Variants in TNRC6B observed in about 807,000 individuals in gnomAD.
The protein encoded by TNRC6B is trinucleotide repeat containing adaptor 6B.
A neutral mutation model predicts 203.6 loss-of-function variants in TNRC6B; 52 were observed. The observed-to-expected ratio is 0.26, with a 90% CI of 0.20 to 0.32. The LOEUF is 0.32. Among genes scored for constraint, TNRC6B ranks in the 10% least tolerant of loss-of-function variants. The probability of loss-of-function intolerance (pLI) is 1.00; values close to 1 mark genes in which losing one functional copy is unlikely to be tolerated. For synonymous variants in TNRC6B, 838 were observed against 845.7 expected, an observed-to-expected ratio of 0.99 and a Z score of 0.16; for missense variants, 1,923 against 2,286.2, an observed-to-expected ratio of 0.84 and a Z score of 3.24.
chr22:40,189,878 C>A (rs117771237), intron 1 of TNRC6B, among the ~76,000 whole-genome samples: 2,123 of 152,108 alleles, frequency 0.014, 22 homozygotes, highest in Middle Eastern at 0.048. Context: ...TTGAAACTTA[C>A]CATTTGTTAC....
intron 1 of TNRC6B, among the ~76,000 whole-genome samples, chr22:40,224,749 G>A (rs1016054351): frequency 5.3e-5 from 8 of 152,014 alleles, no homozygotes; most frequent in Middle Eastern, 3.4e-3. Flanking sequence ...TCTTCCTCCC[G>A]TTTAAATACT....
At chr22:40,212,910 A>G (rs951929404) in intron 1 of TNRC6B, among the ~76,000 whole-genome samples, 1 of 152,150 alleles carries the variant, frequency 6.6e-6, no homozygotes, top group Non-Finnish European at 1.5e-5. Context: ...TCAGCCTCCC[A>G]AAGTGCTGGG....
intron 19 of TNRC6B, among the ~76,000 whole-genome samples, chr22:40,313,779 C>T (rs1251290770): frequency 6.6e-6 from 1 of 152,220 alleles, no homozygotes; most frequent in African/African-American, 2.4e-5. Context: ...CAACAATAAC[C>T]TACCACTCAC....
chr22:40,252,098 G>A (rs2070203892), intron 3 of TNRC6B, among the ~76,000 whole-genome samples: 1 of 152,152 alleles, frequency 6.6e-6, no homozygotes, highest in African/African-American at 2.4e-5. Flanking sequence ...GTTTTGTCTG[G>A]TGATTGTCAC....
rs191196745 is a variant in TNRC6B at position 40,320,429 on chromosome 22, G to A, written c.4975-661G>A. Reference sequence around the variant, plus strand: ...TGGGAGGTGGAGGTTGCAGTGAGTCGAGATTGTGCCACTGCACTCCAGCCT... The same window carrying A: ...TGGGAGGTGGAGGTTGCAGTGAGTCAAGATTGTGCCACTGCACTCCAGCCT... On this transcript the variant is annotated intron_variant, in intron 21 of 22. Transcript: ENST00000454349. 1.2e-4 allele frequency among the ~76,000 whole-genome samples: 19 copies of A among 152,322 alleles called. No individual in the cohort carries two copies. In the East Asian group the frequency reaches 2.5e-3, roughly 20 times the overall value.
chr22:40,152,842 TATAATCC>T (rs2068771463), intron 3 of TNRC6B, among the ~76,000 whole-genome samples: 1 of 151,880 alleles, frequency 6.6e-6, no homozygotes, highest in African/African-American at 2.4e-5. Flanking sequence ...GGCTCACACC[TATAATCC>T]CAGCACTTTG....
At position 40,207,544 on chromosome 22, in the gene TNRC6B, A is replaced by C. The variant is rs542730745; in HGVS notation, c.5+29404A>C. On this transcript the variant is annotated intron_variant, in intron 1 of 22. Coordinates refer to ENST00000454349, the MANE Select transcript of TNRC6B (RefSeq NM_001162501.2). ...ACCAAATGACATTATGGCCAAAGTGAGAGACAAGCTAGGAGAAGATATTTT... is the reference window on the plus strand; with the variant it reads ...ACCAAATGACATTATGGCCAAAGTGCGAGACAAGCTAGGAGAAGATATTTT... 4.0e-5 allele frequency among the ~76,000 whole-genome samples: 6 copies of C among 151,716 alleles called. No individual in the cohort carries two copies. In the South Asian group the frequency reaches 1.2e-3, roughly 32 times the overall value.
intron 1 of TNRC6B, among the ~76,000 whole-genome samples, chr22:40,048,256 T>C (rs1230926451): frequency 1.3e-5 from 2 of 152,212 alleles, no homozygotes; most frequent in Non-Finnish European, 1.5e-5. Flanking sequence ...ATTTCCCACA[T>C]TGGCCGGGCG....
At chr22:40,069,570 C>T (rs1000563289) in intron 1 of TNRC6B, among the ~76,000 whole-genome samples, 1 of 151,428 alleles carries the variant, frequency 6.6e-6, no homozygotes, top group African/African-American at 2.4e-5. Flanking sequence ...TCACCGCAAC[C>T]TCCGCCTCCT....
chr22:40,170,741 CTATA>C (rs966620741), intron 4 of TNRC6B, among the ~76,000 whole-genome samples: 1 of 127,188 alleles, frequency 7.9e-6, no homozygotes, highest in Non-Finnish European at 1.7e-5. Context: ...GTGTATATAT[CTATA>C]TATGTACATA....
At chr22:40,203,046 G>T (rs1193856903) in intron 1 of TNRC6B, among the ~76,000 whole-genome samples, 2 of 152,114 alleles carry the variant, frequency 1.3e-5, no homozygotes, top group African/African-American at 4.8e-5. Context: ...AGCCTTGCAG[G>T]TTGCATTAGC....
In TNRC6B at chr22:40,297,072, T is replaced by C. The variant is rs143027920; in HGVS notation, c.3709-3383T>C. 4.7e-3 allele frequency among the ~76,000 whole-genome samples: 722 copies of C among 152,348 alleles called. 7 individuals are homozygous for C. Among genetic ancestry groups the C allele is most frequent in the African/African-American group, 0.016 (683 of 41,588 alleles). On this transcript the variant is annotated intron_variant, in intron 12 of 22. Transcript: ENST00000454349. Reference sequence around the variant, plus strand: ...GAGTACGTATGGCAGTAATCAATAATCATAGTTTGCTAACAAGTTTTCATA... The same window carrying C: ...GAGTACGTATGGCAGTAATCAATAACCATAGTTTGCTAACAAGTTTTCATA...
chr22:40,132,935 C>G (rs1350469477), intron 3 of TNRC6B, among the ~76,000 whole-genome samples: 4 of 78,748 alleles, frequency 5.1e-5, no homozygotes, highest in Non-Finnish European at 7.5e-5. Context: ...CAGAGCAAGA[C>G]TCTGTCTCAA....
intron 1 of TNRC6B, among the ~76,000 whole-genome samples, chr22:40,063,288 C>G (rs992103891): frequency 6.6e-6 from 1 of 152,148 alleles, no homozygotes; most frequent in Non-Finnish European, 1.5e-5. Flanking sequence ...ATATGTCTGT[C>G]TTTATGCCAT....
intron 1 of TNRC6B, among the ~76,000 whole-genome samples, chr22:40,057,299 T>G (rs1439109219): frequency 6.6e-6 from 1 of 151,174 alleles, no homozygotes; most frequent in Non-Finnish European, 1.5e-5. Flanking sequence ...CAGGTTTTTT[T>G]TTTTTTTTTT....
chr22:40,186,525 G>A (rs112034127), intron 1 of TNRC6B, among the ~76,000 whole-genome samples: 2,839 of 151,902 alleles, frequency 0.019, 58 homozygotes, highest in African/African-American at 0.05. Flanking sequence ...GGATCACAAG[G>A]TCAGGAGATC....
intron 1 of TNRC6B, among the ~76,000 whole-genome samples, chr22:40,064,176 G>A (rs1415354823): frequency 1.3e-5 from 2 of 152,072 alleles, no homozygotes; most frequent in East Asian, 1.9e-4. Flanking sequence ...TCTTTATACA[G>A]GATCATGTCA....
chr22:40,256,833 GGAATGAC>G (rs2070286353), intron 3 of TNRC6B, among the ~76,000 whole-genome samples: 1 of 152,280 alleles, frequency 6.6e-6, no homozygotes, highest in Middle Eastern at 3.4e-3. Flanking sequence ...TGGGAGGGAG[GGAATGAC>G]GAGTGGTGTC....
chr22:40,215,276 C>T (rs973552576), intron 1 of TNRC6B, among the ~76,000 whole-genome samples: 4 of 93,232 alleles, frequency 4.3e-5, no homozygotes, highest in African/African-American at 7.7e-5. Context: ...GACAGTTTTG[C>T]TAGCTACATT....
Sources: gnomAD v4.1 joint callset for allele counts (sites outside exome capture counted in the v4.1 genomes callset) on GRCh38, gnomAD v4.1.1 for gene constraint, MANE v1.5 for transcripts, NCBI Gene and HGNC (gene_info 2026-07-23, HGNC 2026-07-21) for gene names.